The following TPPP2 variants were observed in gnomAD, a reference collection of about 807,000 sequenced individuals.
TPPP2 encodes tubulin polymerization promoting protein family member 2.
In TPPP2, 8 loss-of-function variants were observed where a neutral mutation model predicts 13.0. The ratio of observed to expected loss-of-function variants is 0.62; its 90% confidence interval spans 0.36 to 1.11. The LOEUF (loss-of-function observed/expected upper bound fraction) is 1.11, where lower values mean the gene tolerates loss of function less well. Ranked by LOEUF, TPPP2 falls within the 50% of genes most tolerant of loss-of-function variation. TPPP2 has a pLI of 0.02. For missense variants in TPPP2, 213 were observed against 216.9 expected (o/e 0.98, Z 0.11); for synonymous variants, 81 against 81.8 (o/e 0.99, Z 0.05).
chr14:21,034,848 G>A (rs528834769), downstream of TPPP2: 1 of 153,286 alleles, frequency 6.5e-6, no homozygotes, highest in African/African-American at 2.4e-5. Context: ...GGTTGGATGG[G>A]TGGGAGGAAA....
upstream of TPPP2, among the ~76,000 whole-genome samples, chr14:21,027,207 T>C (rs1240174895): frequency 6.6e-6 from 1 of 152,180 alleles, no homozygotes; most frequent in Non-Finnish European, 1.5e-5. Flanking sequence ...CCCTAAGATA[T>C]GGTTCTTCCA....
upstream of TPPP2, chr14:21,025,520 G>T: frequency 1.0e-6 from 1 of 985,448 alleles, no homozygotes; most frequent in Non-Finnish European, 1.2e-6. This position sits in a 1 kb window ranked among gnomAD's most constrained non-coding sequence, Gnocchi z 5.1. Context: ...CGAACACAGA[G>T]AACTAGATTA....
upstream of TPPP2, chr14:21,025,532 G>C: frequency 1.0e-6 from 1 of 985,464 alleles, no homozygotes; most frequent in South Asian, 4.7e-5. This position sits in a 1 kb window ranked among gnomAD's most constrained non-coding sequence, Gnocchi z 5.1. Context: ...ACTAGATTAA[G>C]AAAGGAGGAG....
At chr14:21,033,918 T>C (rs139233647), downstream of TPPP2, 743 of 1,614,032 alleles carry the variant, frequency 4.6e-4, 3 homozygotes, top group Non-Finnish European at 5.6e-4. Context: ...GCTATTGTAG[T>C]AGCAGCTAGT....
rs1182353310 is a variant in TPPP2, at chr14:21,025,009, T to A, written n.236+665T>A. The A allele has an allele frequency of 3.0e-6, 3 of 984,692 alleles. No homozygotes were observed. The highest frequency in any genetic ancestry group is 3.6e-6 in the Non-Finnish European group (3 of 830,122). The allele number at this position is 984,692 out of a possible 1,614,324, so 61.0% of individuals were successfully genotyped here. ...GGCGCCTTCCAGGCCCTACGGCCCC[T>A]CGCCTGCCCCTCCCCCTACCTGCTG... On this transcript the variant is annotated intron_variant and non_coding_transcript_variant, in intron 1 of 1. Coordinates refer to the TPPP2 transcript ENST00000533755. The surrounding 1 kb of genome is among the most constrained non-coding windows in gnomAD (Gnocchi z 5.1).
rs755977945 is a variant in TPPP2 at position 21,031,154 on chromosome 14, A to G, written c.316A>G (p.Thr106Ala). ...GLMEGKDPAT[T>A]GATKATTVGA... is the part of the protein sequence containing the mutation. The stretch of plus-strand genomic sequence containing the variant: ...CATGGAGGGCAAAGACCCAGCCACC[A>G]CTGGCGCTACTGTGAGTGACAGCCT... The change falls in exon 3 of 4, where the codon ACT (threonine) becomes GCT (alanine). Residue 106 changes from threonine (T) to alanine (A), a missense_variant. By Grantham distance (58) the Thr-to-Ala change is moderately conservative. Coordinates refer to ENST00000321760, the MANE Select transcript of TPPP2 (RefSeq NM_173846.5). 1.7e-5 allele frequency: 28 copies of G among 1,613,508 alleles called. No homozygotes were observed. Among genetic ancestry groups the G allele is most frequent in the Non-Finnish European group, 2.0e-5 (24 of 1,179,826 alleles).
upstream of TPPP2, chr14:21,025,707 G>A (rs1377442430): frequency 1.7e-5 from 17 of 984,848 alleles, no homozygotes; most frequent in Non-Finnish European, 1.8e-5. The surrounding 1 kb of genome is among the most constrained non-coding windows in gnomAD (Gnocchi z 5.1). Flanking sequence ...CCCGACGCCT[G>A]CTCTCCGGCT....
chr14:21,033,603 G>A (rs1324210698), downstream of TPPP2: 10 of 589,954 alleles, frequency 1.7e-5, no homozygotes, highest in East Asian at 8.4e-5. Flanking sequence ...AGGAGGTGGG[G>A]GCGAAGAGGG....
chr14:21,032,268 C>A lies in TPPP2; in HGVS notation c.*191C>A. 1 of 680,632 alleles carries A rather than the reference C, an allele frequency of 1.5e-6. No homozygotes were observed. 42.2% of individuals were successfully genotyped at this position (680,632 alleles called of 1,614,324 possible). On this transcript the variant is annotated 3_prime_UTR_variant, in exon 4 of 4. Transcript: ENST00000321760. The stretch of plus-strand genomic sequence containing the variant: ...TGGGTTCTCCACCACACACCCTTCG[C>A]TCTGCTTAGCCTTATGCCTACCAGC...
At chr14:21,026,493 C>T (rs1192837891), upstream of TPPP2, among the ~76,000 whole-genome samples, 4 of 150,392 alleles carry the variant, frequency 2.7e-5, no homozygotes, top group Non-Finnish European at 5.9e-5. Context: ...CCCCTCCTGC[C>T]TGGGAACCAC....
At chr14:21,029,057 G>A (rs1191203670), upstream of TPPP2, 2 of 152,310 alleles carry the variant, frequency 1.3e-5, no homozygotes, top group Middle Eastern at 3.4e-3. Flanking sequence ...TTCAGAATCT[G>A]AGCCTCACCC....
At position 21,032,112 on chromosome 14, in the gene TPPP2, C is replaced by G. The variant is rs759896191; in HGVS notation, c.*35C>G. On this transcript the variant is annotated 3_prime_UTR_variant, in exon 4 of 4. Transcript: ENST00000321760. ...TCATCTCAGCCTGCTAGCCCCCTGA[C>G]CCTGCATGTTTAACACCAGGGAGCT... The G allele has an allele frequency of 2.5e-6, 4 of 1,598,510 alleles. No homozygotes were observed. The East Asian group carries it at 9.0e-5, about 36-fold the overall frequency.
In TPPP2 at chr14:21,031,014, C is replaced by A; in HGVS notation, c.176C>A (p.Ala59Asp). 6.2e-7 allele frequency: 1 copy of A among 1,605,744 alleles called. No individual in the cohort carries two copies. The highest frequency in any genetic ancestry group is 8.5e-7 in the Non-Finnish European group (1 of 1,176,438). ...DVDIVFSKVK[A>D]KNARTITFQQ... ...TGGATTTCTGTCTAACTGACCAGGG[C>A]CAAGAACGCCCGAACCATCACGTTT... Residue 59 changes from alanine to aspartate, a missense_variant and splice_region_variant, in exon 3 of 4, where the codon GCC becomes GAC. Coordinates refer to ENST00000321760, the MANE Select transcript of TPPP2 (RefSeq NM_173846.5).
At position 21,032,188 on chromosome 14, in the gene TPPP2, A is replaced by T. The variant is rs1035915311; in HGVS notation, c.*111A>T. 4 of 1,147,556 alleles carry T rather than the reference A, an allele frequency of 3.5e-6. No individual in the cohort carries two copies. In the African/African-American group the frequency reaches 6.1e-5, roughly 18 times the overall value. 71.1% of individuals were successfully genotyped at this position (1,147,556 alleles called of 1,614,324 possible). The stretch of plus-strand genomic sequence containing the variant: ...GCAGCAGCCAAAATCTCTGTCTGTG[A>T]GGGACAGATGAGCCTACTAGTGTAG... On this transcript the variant is annotated 3_prime_UTR_variant, in exon 4 of 4. Transcript: ENST00000321760.
At chr14:21,024,946 G>T in intron 1 of TPPP2, 1 of 985,626 alleles carries the variant, frequency 1.0e-6, no homozygotes, top group Non-Finnish European at 1.2e-6. Flanking sequence ...TCCAGCTCCA[G>T]GGGACGCGGA....
At chr14:21,025,595 G>A, upstream of TPPP2, 2 of 985,628 alleles carry the variant, frequency 2.0e-6, no homozygotes, top group Non-Finnish European at 2.4e-6. The surrounding 1 kb of genome is among the most constrained non-coding windows in gnomAD (Gnocchi z 5.1). Flanking sequence ...GGCAGGGGCA[G>A]GTGTGCTGGC....
At chr14:21,032,902 T>C (rs921146260), downstream of TPPP2, 9 of 454,908 alleles carry the variant, frequency 2.0e-5, no homozygotes, top group Non-Finnish European at 4.0e-5. Context: ...TCGTGTGCCC[T>C]TCACCCAGTT....
At chr14:21,033,139 G>A (rs1371615519), downstream of TPPP2, 4 of 379,024 alleles carry the variant, frequency 1.1e-5, no homozygotes, top group African/African-American at 8.5e-5. Context: ...AAGAAAAAGA[G>A]GTTGGAAAAA....
intron 1 of TPPP2, chr14:21,024,648 A>G: frequency 1.0e-6 from 1 of 985,438 alleles, no homozygotes; most frequent in Non-Finnish European, 1.2e-6. Context: ...GAGCGGTCCC[A>G]CAATCTTCTC....
Sources: allele counts gnomAD v4.1 joint callset (sites outside exome capture counted in the v4.1 genomes callset), GRCh38; gene constraint gnomAD v4.1.1; non-coding constraint Gnocchi (gnomAD v3.1); transcripts MANE v1.5; gene names NCBI Gene and HGNC (gene_info 2026-07-23, HGNC 2026-07-21).